The following GAN variants were observed in gnomAD, a reference collection of about 807,000 sequenced individuals.
GAN encodes the protein gigaxonin.
A neutral mutation model predicts 71.3 loss-of-function variants in GAN; 48 were observed. The observed-to-expected ratio is 0.67, with a 90% confidence interval of 0.53 to 0.86. GAN has a LOEUF of 0.86. Among genes scored for constraint, GAN ranks in the 40% least tolerant of loss-of-function variants. The pLI, the probability that GAN is intolerant of heterozygous loss-of-function variation, is 0.00. For missense variants in GAN, 928 were observed against 770.1 expected, an observed-to-expected ratio of 1.21 and a Z score of -2.43; for synonymous variants, 386 against 276.8, an observed-to-expected ratio of 1.39 and a Z score of -3.92.
chr16:81,343,391 C>T (rs1256873425), intron 1 of GAN, among the ~76,000 whole-genome samples: 1 of 152,184 alleles, frequency 6.6e-6, no homozygotes, highest in Non-Finnish European at 1.5e-5. Context: ...AAGCCGAATC[C>T]AGCAGCACAT....
chr16:81,340,421 A>G (rs1290649132), intron 1 of GAN, among the ~76,000 whole-genome samples: 1 of 152,228 alleles, frequency 6.6e-6, no homozygotes, highest in Non-Finnish European at 1.5e-5. Flanking sequence ...CTCTGGGGCG[A>G]AGCTTCCAGA....
rs904098410 is a variant in GAN at position 81,389,094 on chromosome 16, C to T, written c.*11498C>T. On this transcript the variant is annotated 3_prime_UTR_variant, in exon 11 of 11. Coordinates refer to ENST00000648994, the MANE Select transcript of GAN (RefSeq NM_022041.4). Reference sequence around the variant, plus strand: ...AACATCTTTTTCCTAGATCGTACCTCAAAATTCAGGCTCTCCATGAAAACA... The same window carrying T: ...AACATCTTTTTCCTAGATCGTACCTTAAAATTCAGGCTCTCCATGAAAACA... 4 of 152,128 alleles carry T rather than the reference C, an allele frequency of 2.6e-5. No individual in the cohort carries two copies. Among genetic ancestry groups the T allele is most frequent in the African/African-American group, 9.7e-5 (4 of 41,422 alleles). 9.4% of individuals were successfully genotyped at this position (152,128 alleles called of 1,614,324 possible).
In GAN at chr16:81,349,600, C is replaced by T. The variant is rs111806584; in HGVS notation, c.168-1983C>T. Among the ~76,000 whole-genome samples, 125 of 152,200 alleles carry T rather than the reference C, an allele frequency of 8.2e-4. 2 individuals are homozygous for T. The highest frequency in any genetic ancestry group is 2.8e-3 in the African/African-American group (117 of 41,520). ...AGGAGGTTGTAGTGAGCCATGATTG[C>T]GCCACTGCACTCCAGACTGGGTGAC... On this transcript the variant is annotated intron_variant, in intron 1 of 10. Transcript: ENST00000648994.
intron 5 of GAN, among the ~76,000 whole-genome samples, chr16:81,360,994 C>T (rs532831464): frequency 7.2e-5 from 11 of 152,186 alleles, no homozygotes; most frequent in Non-Finnish European, 1.0e-4. Flanking sequence ...GAGGCTGAGG[C>T]GGGTGGATCA....
rs987042605 is a variant in GAN, at chr16:81,378,743, A to G, written c.*1147A>G. 1 of 152,620 alleles carries G rather than the reference A, an allele frequency of 6.6e-6. No individual in the cohort carries two copies. The highest frequency in any genetic ancestry group is 1.5e-5 in the Non-Finnish European group (1 of 68,028). The allele number at this position is 152,620 out of a possible 1,614,324, so 9.5% of individuals were successfully genotyped here. ...TTGGCTGGTAGAATAAACTACCTCA[A>G]CTTAATTTCATTCTGTTCATAGTAG... On this transcript the variant is annotated 3_prime_UTR_variant, in exon 11 of 11. Transcript: ENST00000648994.
rs773384073 is a variant in GAN, at chr16:81,315,130, C to T, written c.17C>T (p.Ala6Val). The change falls in exon 1 of 11, where the codon GCC becomes GTC. Residue 6 changes from alanine (A) to valine (V), a missense_variant. By Grantham distance (64) the Ala-to-Val change is moderately conservative. Coordinates refer to ENST00000648994, the MANE Select transcript of GAN (RefSeq NM_022041.4). ...GGCGCCGCGATGGCTGAGGGCAGTG[C>T]CGTGTCTGACCCTCAGCACGCCGCG... MAEGSAVSDPQHAARL... is the reference protein window; with the variant it reads MAEGSVVSDPQHAARL... 17 of 1,521,452 alleles carry T rather than the reference C, an allele frequency of 1.1e-5. No individual in the cohort carries two copies. The highest frequency in any genetic ancestry group is 2.7e-5 in the East Asian group (1 of 36,392). 94.2% of individuals were successfully genotyped at this position (1,521,452 alleles called of 1,614,324 possible).
At position 81,364,515 on chromosome 16, in the gene GAN, C is replaced by T. The variant is rs531166337; in HGVS notation, c.1237-459C>T. On this transcript the variant is annotated intron_variant, in intron 7 of 10. Coordinates refer to ENST00000648994, the MANE Select transcript of GAN (RefSeq NM_022041.4). Reference sequence around the variant, plus strand: ...CTCTTAGGCTGAAGCGATCCCCCATCTCTACAAAAAAGTTTTAAATAAAGT... The same window carrying T: ...CTCTTAGGCTGAAGCGATCCCCCATTTCTACAAAAAAGTTTTAAATAAAGT... Among the ~76,000 whole-genome samples the T allele has an allele frequency of 3.0e-4, 46 of 152,062 alleles. No homozygotes were observed. In the South Asian group the frequency reaches 8.5e-3, roughly 28 times the overall value.
intron 1 of GAN, among the ~76,000 whole-genome samples, chr16:81,333,147 C>A (rs920498472): frequency 6.7e-6 from 1 of 150,086 alleles, no homozygotes; most frequent in Non-Finnish European, 1.5e-5. Flanking sequence ...GAGGCTGAGG[C>A]AGGAGAATCG....
chr16:81,361,628 G>A (rs1230921878), intron 5 of GAN, among the ~76,000 whole-genome samples: 1 of 152,224 alleles, frequency 6.6e-6, no homozygotes, highest in African/African-American at 2.4e-5. Context: ...GATAACCTCT[G>A]TAGGTCCTAA....
chr16:81,382,951 A>G lies in GAN; in HGVS notation c.*5355A>G, dbSNP rs1349578352. On this transcript the variant is annotated 3_prime_UTR_variant, in exon 11 of 11. Transcript: ENST00000648994. The stretch of plus-strand genomic sequence containing the variant: ...TTTGGTCTAATGTATACAGTTTAGG[A>G]AAGTTTATTCTTTTTTATTTTATTT... 1.3e-5 allele frequency: 2 copies of G among 152,120 alleles called. No homozygotes were observed. The highest frequency in any genetic ancestry group is 2.9e-5 in the Non-Finnish European group (2 of 68,026). The allele number at this position is 152,120 out of a possible 1,614,324, so 9.4% of individuals were successfully genotyped here. A position where few individuals can be genotyped will look rare whatever the true frequency, so the allele number is the denominator to read the frequency against.
chr16:81,327,284 T>G (rs1453101579), intron 1 of GAN, among the ~76,000 whole-genome samples: 1 of 152,212 alleles, frequency 6.6e-6, no homozygotes, highest in East Asian at 1.9e-4. Flanking sequence ...TGGAGAAGTT[T>G]ATAGCAGTGG....
intron 9 of GAN, among the ~76,000 whole-genome samples, chr16:81,373,069 G>A (rs939674692): frequency 2.6e-5 from 4 of 152,206 alleles, no homozygotes; most frequent in Non-Finnish European, 5.9e-5. Context: ...AGACTTTTGT[G>A]TTTATTGGAA....
intron 1 of GAN, among the ~76,000 whole-genome samples, chr16:81,349,110 A>T (rs571040301): frequency 1.3e-5 from 2 of 152,160 alleles, no homozygotes; most frequent in Non-Finnish European, 2.9e-5. Context: ...GTGTATCCAC[A>T]TGGAAGGAGA....
intron 1 of GAN, among the ~76,000 whole-genome samples, chr16:81,347,811 CTTTTTTCTTTA>C (rs1420308826): frequency 6.6e-6 from 1 of 152,004 alleles, no homozygotes; most frequent in Non-Finnish European, 1.5e-5. Context: ...GCTTGTAAGA[CTTTTTTCTTTA>C]TTTCTCGTAT....
intron 9 of GAN, among the ~76,000 whole-genome samples, chr16:81,367,497 C>G (rs988707792): frequency 1.3e-5 from 2 of 152,120 alleles, no homozygotes; most frequent in African/African-American, 2.4e-5. Flanking sequence ...TCACTGCACT[C>G]CAGCCTGGGC....
rs145455946 is a variant in GAN, at chr16:81,371,053, T to C, written c.1502+5575T>C. Among the ~76,000 whole-genome samples the C allele has an allele frequency of 3.7e-3, 568 of 152,346 alleles. 1 individual carries two copies. The highest frequency in any genetic ancestry group is 0.013 in the African/African-American group (540 of 41,570). On this transcript the variant is annotated intron_variant, in intron 9 of 10. Coordinates refer to ENST00000648994, the MANE Select transcript of GAN (RefSeq NM_022041.4). ...AGATTGGATGGTTTCTGTTGCTCTG[T>C]CTTGTTTGCTGCTGCTTTCTTTTGT...
rs182885547 is a variant in GAN at position 81,383,968 on chromosome 16, T to G, written c.*6372T>G. 3.9e-5 allele frequency: 6 copies of G among 152,296 alleles called. No individual in the cohort carries two copies. Among genetic ancestry groups the G allele is most frequent in the African/African-American group, 9.6e-5 (4 of 41,556 alleles). The allele number at this position is 152,296 out of a possible 1,614,324, so 9.4% of individuals were successfully genotyped here. A position where few individuals can be genotyped will look rare whatever the true frequency, so the allele number is the denominator to read the frequency against. On this transcript the variant is annotated 3_prime_UTR_variant, in exon 11 of 11. Transcript: ENST00000648994. ...TTTGGGTACCTTATTTTTATTGTTT[T>G]TACTCATCAGTTATGAATAAGGCAT...
chr16:81,363,747 T>C, intron 6 of GAN, 47 bp from the exon 7 acceptor site: 1 of 1,587,922 alleles, frequency 6.3e-7, no homozygotes, highest in Non-Finnish European at 8.7e-7. Flanking sequence ...CAGCTTTCAA[T>C]ATGATCATTG....
intron 6 of GAN, among the ~76,000 whole-genome samples, 167 bp downstream of exon 6, chr16:81,362,778 C>G (rs1959772726): frequency 6.6e-6 from 1 of 152,166 alleles, no homozygotes; most frequent in Non-Finnish European, 1.5e-5. Context: ...CTTCCTGGCC[C>G]TCACTCCTTC....
Sources: allele counts gnomAD v4.1 joint callset (sites outside exome capture counted in the v4.1 genomes callset), GRCh38; gene constraint gnomAD v4.1.1; transcripts MANE v1.5; gene names NCBI Gene and HGNC (gene_info 2026-07-23, HGNC 2026-07-21).